HSPA14: variants seen among roughly 807,000 people sequenced by gnomAD.
HSPA14 encodes heat shock 70 kDa protein 14.
In HSPA14, 37 loss-of-function variants were observed where a neutral mutation model predicts 65.5. The observed-to-expected ratio is 0.56, with a 90% CI of 0.43 to 0.74. The LOEUF (loss-of-function observed/expected upper bound fraction) is 0.74. HSPA14 is among the 30% of genes least tolerant of loss of function. The pLI is 0.00. For missense variants in HSPA14, 564 were observed against 607.6 expected (o/e 0.93, Z 0.75); for synonymous variants, 203 against 214.2 (o/e 0.95, Z 0.46).
At chr10:14,862,398 G>A (rs550829632) in intron 10 of HSPA14, among the ~76,000 whole-genome samples, 29 of 126,304 alleles carry the variant, frequency 2.3e-4, no homozygotes, top group East Asian at 7.0e-4. Context: ...TTTTTGAGAC[G>A]GAGTGTCGTT....
chr10:14,845,892 T>G, intron 3 of HSPA14: 9 of 450,452 alleles, frequency 2.0e-5, no homozygotes, highest in African/African-American at 2.1e-5. Flanking sequence ...TATCTCCGGA[T>G]TGAGGGATTT....
At chr10:14,868,784 G>A (rs1445737760) in intron 12 of HSPA14, among the ~76,000 whole-genome samples, 1 of 152,208 alleles carries the variant, frequency 6.6e-6, no homozygotes, top group Non-Finnish European at 1.5e-5. Context: ...CACAGGACAT[G>A]AGCATGAATT....
chr10:14,855,559 G>A (rs1412808650), intron 9 of HSPA14, among the ~76,000 whole-genome samples: 1 of 152,198 alleles, frequency 6.6e-6, no homozygotes, highest in Non-Finnish European at 1.5e-5. Context: ...AAGCTTATAA[G>A]TAGACCATAA....
intron 11 of HSPA14, 61 bp downstream of exon 11, chr10:14,867,356 A>T (rs1264891008): frequency 6.8e-6 from 8 of 1,176,688 alleles, no homozygotes; most frequent in Middle Eastern, 2.3e-4. Flanking sequence ...TTTACATAAA[A>T]ATAGTAAATT....
At chr10:14,849,265 C>A (rs1288531373) in intron 5 of HSPA14, among the ~76,000 whole-genome samples, 2 of 152,202 alleles carry the variant, frequency 1.3e-5, no homozygotes, top group African/African-American at 4.8e-5. Flanking sequence ...CAGACGGAGG[C>A]TCTGAGCTGA....
At chr10:14,864,923 A>G (rs1402841641) in intron 10 of HSPA14, among the ~76,000 whole-genome samples, 5 of 149,810 alleles carry the variant, frequency 3.3e-5, no homozygotes, top group Non-Finnish European at 7.4e-5. Flanking sequence ...TGGTTGAACT[A>G]GTTTACAGTC....
chr10:14,861,215 A>C (rs1832747572), intron 10 of HSPA14, among the ~76,000 whole-genome samples: 2 of 152,182 alleles, frequency 1.3e-5, no homozygotes, highest in Non-Finnish European at 2.9e-5. Context: ...TTACAAGGGC[A>C]ATAGGAAAAT....
At chr10:14,870,752 C>A in intron 13 of HSPA14, 85 bp downstream of exon 13, 1 of 1,229,652 alleles carries the variant, frequency 8.1e-7, no homozygotes, top group Non-Finnish European at 1.1e-6. Flanking sequence ...TATTTATTGT[C>A]ATTCTAGAAG....
intron 6 of HSPA14, chr10:14,850,572 G>C (rs1490785655): frequency 6.6e-6 from 1 of 152,194 alleles, no homozygotes; most frequent in Non-Finnish European, 1.5e-5. Flanking sequence ...ACAAGGTTCT[G>C]GGCATTGAAG....
rs1214121307 is a variant in HSPA14 at position 14,855,895 on chromosome 10, C to G, written c.945C>G (p.Ile315Met). The G allele has an allele frequency of 6.2e-7, 1 of 1,609,544 alleles. No homozygotes were observed. The highest frequency in any genetic ancestry group is 1.3e-5 in the African/African-American group (1 of 74,896). The change falls in exon 10 of 14, where the codon ATC (isoleucine) becomes ATG (methionine). Residue 315 changes from isoleucine to methionine, a missense_variant. By Grantham distance (10) the Ile-to-Met change is conservative. Coordinates refer to ENST00000378372, the MANE Select transcript of HSPA14 (RefSeq NM_016299.4). Reference protein sequence around the residue: ...SPLFNKCIEAIRGLLDQNGFT... With the variant: ...SPLFNKCIEAMRGLLDQNGFT... ...TTTTTAATAAGTGTATAGAAGCAAT[C>G]AGAGGACTCTTAGATCAAAATGGAT... is the stretch of plus-strand genomic sequence containing the variant.
intron 12 of HSPA14, among the ~76,000 whole-genome samples, chr10:14,868,316 G>A (rs1389953174): frequency 6.6e-6 from 1 of 152,062 alleles, no homozygotes; most frequent in Non-Finnish European, 1.5e-5. Flanking sequence ...CCTCACGTTG[G>A]TTTCATTTCT....
At chr10:14,855,129 GGAAAT>G (rs1834136995) in intron 9 of HSPA14, among the ~76,000 whole-genome samples, 1 of 152,084 alleles carries the variant, frequency 6.6e-6, no homozygotes, top group Non-Finnish European at 1.5e-5. Flanking sequence ...TAATTAAGAA[GGAAAT>G]GAAATTTATA....
intron 3 of HSPA14, among the ~76,000 whole-genome samples, chr10:14,847,267 A>C (rs1046663938): frequency 6.6e-6 from 1 of 152,206 alleles, no homozygotes; most frequent in African/African-American, 2.4e-5. Flanking sequence ...CAACAGTATA[A>C]ATTGTTCTGG....
rs901052193 is a variant in HSPA14, at chr10:14,843,746, G to T, written c.221+3589G>T. 2.6e-6 allele frequency: 4 copies of T among 1,536,550 alleles called. No individual in the cohort carries two copies. In the African/African-American group the frequency reaches 4.1e-5, roughly 16 times the overall value. ...CTGATTGCTATTGGTGAGGAGGCCA[G>T]TGCTCAGCAAGATACTGCCAATGAG... On this transcript the variant is annotated intron_variant, in intron 3 of 13. Transcript: ENST00000378372.
At chr10:14,852,318 A>G (rs1834113968) in intron 7 of HSPA14, 52 bp from the exon 8 acceptor site, 1 of 1,460,034 alleles carries the variant, frequency 6.8e-7, no homozygotes, top group African/African-American at 1.4e-5. Context: ...CTAATATCCA[A>G]CTTAGTTTTA....
At chr10:14,852,252 A>G in intron 7 of HSPA14, 118 bp from the exon 8 acceptor site, 1 of 794,526 alleles carries the variant, frequency 1.3e-6, no homozygotes, top group Non-Finnish European at 2.0e-6. Flanking sequence ...TTAGTTATTC[A>G]CCTGAGATTT....
intron 5 of HSPA14, 199 bp from the exon 6 acceptor site, chr10:14,849,522 C>T (rs1032165040): frequency 1.5e-6 from 1 of 668,166 alleles, no homozygotes; most frequent in Non-Finnish European, 2.8e-6. Flanking sequence ...AATTCTGTGT[C>T]CAAATATATC....
At chr10:14,845,117 T>C in intron 3 of HSPA14, 1 of 985,352 alleles carries the variant, frequency 1.0e-6, no homozygotes, top group Non-Finnish European at 1.2e-6. Context: ...ATGAGCCTCC[T>C]CCACACCCCA....
chr10:14,867,093 G>T lies in HSPA14; in HGVS notation c.1004G>T (p.Cys335Phe). Reference protein sequence around the residue: ...TADDINKVVLCGGSSRIPKLQ... With the variant: ...TADDINKVVLFGGSSRIPKLQ... Reference sequence around the variant, plus strand: ...ATTTTTATTCTCTAGGTTGTCCTTTGTGGAGGGTCTTCTCGAATCCCAAAG... The same window carrying T: ...ATTTTTATTCTCTAGGTTGTCCTTTTTGGAGGGTCTTCTCGAATCCCAAAG... The change falls in exon 11 of 14, where the codon TGT (cysteine) becomes TTT (phenylalanine). Residue 335 changes from cysteine to phenylalanine, a missense_variant. Cys to Phe is a radical substitution (Grantham distance 205, BLOSUM62 -2). Coordinates refer to ENST00000378372, the MANE Select transcript of HSPA14 (RefSeq NM_016299.4). 1 of 1,611,992 alleles carries T rather than the reference G, an allele frequency of 6.2e-7. No individual in the cohort carries two copies. Among genetic ancestry groups the T allele is most frequent in the Non-Finnish European group, 8.5e-7 (1 of 1,178,260 alleles).
Sources: gnomAD v4.1 joint callset for allele counts (sites outside exome capture counted in the v4.1 genomes callset) on GRCh38, gnomAD v4.1.1 for gene constraint, MANE v1.5 for transcripts, NCBI Gene and HGNC (gene_info 2026-07-23, HGNC 2026-07-21) for gene names.